UBE3A: variants seen among roughly 807,000 people sequenced by gnomAD.
UBE3A encodes the protein ubiquitin-protein ligase E3A.
In UBE3A, 6 loss-of-function variants were observed where a neutral mutation model predicts 83.4. The observed-to-expected ratio is 0.07, with a 90% CI of 0.04 to 0.14. UBE3A has a LOEUF of 0.14. UBE3A is among the 10% of genes least tolerant of loss of function. The pLI is 1.00. For synonymous variants in UBE3A, 337 were observed against 355.4 expected, an observed-to-expected ratio of 0.95 and a Z score of 0.58; for missense variants, 456 against 1,036.1, an observed-to-expected ratio of 0.44 and a Z score of 7.69.
intron 4 of UBE3A, among the ~76,000 whole-genome samples, chr15:25,398,799 ATATATATATATATAT>A (rs1467875716): frequency 9.7e-5 from 8 of 82,200 alleles, no homozygotes; most frequent in Admixed American, 1.6e-4. Context: ...ATATATATAT[ATATATATATATATAT>A]AAAAATACAT....
rs76521264 is a variant in UBE3A, at chr15:25,389,408, C to T, written c.63-13645G>A. Among the ~76,000 whole-genome samples the T allele has an allele frequency of 3.7e-4, 56 of 152,246 alleles. No individual in the cohort carries two copies. The East Asian group carries it at 9.8e-3, about 27-fold the overall frequency. ...ATCTAGATCTTGGGTTTGGTGATGACTTTTAGATACGGCACCAAAGGTACC... is the reference window on the plus strand; with the variant it reads ...ATCTAGATCTTGGGTTTGGTGATGATTTTTAGATACGGCACCAAAGGTACC... On this transcript the variant is annotated intron_variant, in intron 4 of 12. Transcript: ENST00000648336.
chr15:25,376,941 A>G (rs2081329230), intron 4 of UBE3A, among the ~76,000 whole-genome samples: 1 of 152,212 alleles, frequency 6.6e-6, no homozygotes, highest in Non-Finnish European at 1.5e-5. Flanking sequence ...TGCTTCTACT[A>G]ACTGATAAAA....
Position 25,371,552 on chromosome 15 carries a change from A to G in UBE3A, c.622T>C (p.Ser208Pro). Residue 208 changes from serine to proline, a missense_variant, in exon 6 of 13, where the codon TCC becomes CCC. Transcript: ENST00000648336. This position sits in a 1 kb window ranked among gnomAD's most constrained non-coding sequence, Gnocchi z 5.3. ...TGTGAGCTATCACCTATCCTTGAGGAAGATGCTTCTGAGTCTTCTTCCATA... is the reference window on the plus strand; with the variant it reads ...TGTGAGCTATCACCTATCCTTGAGGGAGATGCTTCTGAGTCTTCTTCCATA... ...AAMEEDSEAS[S>P]SRIGDSSQGD... The G allele has an allele frequency of 6.2e-7, 1 of 1,614,152 alleles. No individual in the cohort carries two copies. The highest frequency in any genetic ancestry group is 1.7e-4 in the Middle Eastern group (1 of 6,058).
chr15:25,429,077 T>A (rs1464558004), intron 1 of UBE3A, among the ~76,000 whole-genome samples: 1 of 152,084 alleles, frequency 6.6e-6, no homozygotes, highest in Non-Finnish European at 1.5e-5. Context: ...AAAAACTTGA[T>A]ACTGAGTTTA....
chr15:25,422,963 G>A (rs911479159), intron 1 of UBE3A, among the ~76,000 whole-genome samples: 9 of 151,108 alleles, frequency 6.0e-5, no homozygotes, highest in South Asian at 2.1e-4. Context: ...GCTCCAGCCC[G>A]GGTGACAGAG....
intron 1 of UBE3A, among the ~76,000 whole-genome samples, chr15:25,428,419 C>T (rs1281636981): frequency 6.6e-6 from 1 of 152,010 alleles, no homozygotes; most frequent in Non-Finnish European, 1.5e-5. Context: ...AAGAAAAAGA[C>T]ATGATTTTTA....
At chr15:25,407,774 T>G (rs2088994656) in intron 3 of UBE3A, 2 of 152,218 alleles carry the variant, frequency 1.3e-5, no homozygotes, top group African/African-American at 4.8e-5. Flanking sequence ...GGAAATTGTT[T>G]TTTAATCAAG....
rs1371924513 is a variant in UBE3A, at chr15:25,336,328, G to T, written c.*2809C>A. ...CAGGTAAAGGGATCAAGACTACACA[G>T]GGACTAGTCTTGGGACGACATTTCT... On this transcript the variant is annotated 3_prime_UTR_variant, in exon 13 of 13. Coordinates refer to ENST00000648336, the MANE Select transcript of UBE3A (RefSeq NM_130839.5). The T allele has an allele frequency of 6.6e-6, 1 of 151,164 alleles. No homozygotes were observed. Among genetic ancestry groups the T allele is most frequent in the Non-Finnish European group, 1.5e-5 (1 of 68,022 alleles). 9.4% of individuals were successfully genotyped at this position (151,164 alleles called of 1,614,324 possible).
chr15:25,429,563 T>C (rs1892440480), intron 1 of UBE3A, among the ~76,000 whole-genome samples: 2 of 152,122 alleles, frequency 1.3e-5, no homozygotes, highest in African/African-American at 4.8e-5. Flanking sequence ...AAAAATATGA[T>C]ACAGGCTGGA....
intron 4 of UBE3A, among the ~76,000 whole-genome samples, chr15:25,394,272 T>A (rs1160676707): frequency 1.3e-5 from 2 of 152,210 alleles, no homozygotes; most frequent in African/African-American, 4.8e-5. Flanking sequence ...TTTCAATTTC[T>A]CTTCTGATAC....
chr15:25,414,826 G>A (rs137993278), intron 1 of UBE3A, among the ~76,000 whole-genome samples: 46 of 152,214 alleles, frequency 3.0e-4, no homozygotes, highest in Non-Finnish European at 5.3e-4. Context: ...TCCCAATCAC[G>A]TCAGATGAGA....
Position 25,338,983 on chromosome 15 carries a change from CATAGGTG to C in UBE3A, c.*147_*153del. On this transcript the variant is annotated 3_prime_UTR_variant, in exon 13 of 13. Coordinates refer to ENST00000648336, the MANE Select transcript of UBE3A (RefSeq NM_130839.5). ...CCCCAATAAAGAAGGGAGGCACAGA[CATAGGTG>C]ACTACTGTGGTTGACTATCTTACAG... The C allele has an allele frequency of 1.4e-6, 1 of 736,858 alleles. No homozygotes were observed. The highest frequency in any genetic ancestry group is 2.0e-6 in the Non-Finnish European group (1 of 502,924). 45.6% of individuals were successfully genotyped at this position (736,858 alleles called of 1,614,324 possible). A position where few individuals can be genotyped will look rare whatever the true frequency, so the allele number is the denominator to read the frequency against.
At chr15:25,434,397 C>A (rs1894381544) in intron 1 of UBE3A, among the ~76,000 whole-genome samples, 1 of 152,132 alleles carries the variant, frequency 6.6e-6, no homozygotes, top group African/African-American at 2.4e-5. Context: ...GTGAGACCCC[C>A]ATCTCTATAA....
At chr15:25,409,917 TCTCA>T (rs2089587112) in intron 2 of UBE3A, among the ~76,000 whole-genome samples, 1 of 151,588 alleles carries the variant, frequency 6.6e-6, no homozygotes, top group Admixed American at 6.6e-5. Context: ...CACCGCATGT[TCTCA>T]CTCACAGGTG....
chr15:25,372,935 T>C (rs908904471), intron 5 of UBE3A, among the ~76,000 whole-genome samples: 7 of 152,180 alleles, frequency 4.6e-5, no homozygotes, highest in Non-Finnish European at 7.3e-5. Context: ...ATATAAAATG[T>C]AAGTGATCAT....
At chr15:25,367,227 A>AC (rs2079370040) in intron 6 of UBE3A, among the ~76,000 whole-genome samples, 4 of 79,486 alleles carry the variant, frequency 5.0e-5, no homozygotes, top group Non-Finnish European at 9.4e-5. Context: ...ATATTTACAT[A>AC]TTTGTAAATA....
At chr15:25,398,767 T>TTTTATATATATA (rs1555415650) in intron 4 of UBE3A, among the ~76,000 whole-genome samples, 7 of 67,152 alleles carry the variant, frequency 1.0e-4, no homozygotes, top group African/African-American at 3.5e-4. Flanking sequence ...TTTTATTCTT[T>TTTTATATATATA]TATTTATATA....
intron 1 of UBE3A, among the ~76,000 whole-genome samples, chr15:25,428,999 T>C (rs1892240348): frequency 6.6e-6 from 1 of 152,138 alleles, no homozygotes; most frequent in African/African-American, 2.4e-5. Context: ...TATCTATGCA[T>C]AAAATGAAGT....
At chr15:25,360,833 A>C (rs1334393057) in intron 6 of UBE3A, among the ~76,000 whole-genome samples, 1 of 143,548 alleles carries the variant, frequency 7.0e-6, no homozygotes, top group Non-Finnish European at 1.5e-5. Context: ...ACTACACAGG[A>C]CATGGAAAAG....
Sources: allele counts gnomAD v4.1 joint callset (sites outside exome capture counted in the v4.1 genomes callset), GRCh38; gene constraint gnomAD v4.1.1; non-coding constraint Gnocchi (gnomAD v3.1); transcripts MANE v1.5; gene names NCBI Gene and HGNC (gene_info 2026-07-23, HGNC 2026-07-21).